The following PTPRT variants were observed in gnomAD, a reference collection of about 807,000 sequenced individuals.
PTPRT encodes the protein receptor-type tyrosine-protein phosphatase T.
A neutral mutation model predicts 176.8 loss-of-function variants in PTPRT; 56 were observed. The ratio of observed to expected loss-of-function variants is 0.32; its 90% CI spans 0.26 to 0.40. The LOEUF is 0.40. Ranked by LOEUF, PTPRT falls within the 10% of genes least tolerant of loss-of-function variation. The pLI is 1.00. For missense variants in PTPRT, 1,540 were observed against 1,908.2 expected, an observed-to-expected ratio of 0.81 and a Z score of 3.60; for synonymous variants, 783 against 739.0, an observed-to-expected ratio of 1.06 and a Z score of -0.96.
At chr20:42,844,453 C>G (rs922951294) in intron 2 of PTPRT, among the ~76,000 whole-genome samples, 1 of 152,110 alleles carries the variant, frequency 6.6e-6, no homozygotes, top group African/African-American at 2.4e-5. Context: ...AGTCATAGTC[C>G]TTGCTCAGGT....
Position 42,695,034 on chromosome 20 carries a change from C to T in PTPRT, c.860-16875G>A, listed in dbSNP as rs575879891. 1.0e-3 allele frequency among the ~76,000 whole-genome samples: 157 copies of T among 152,200 alleles called. 1 individual carries two copies. The highest frequency in any genetic ancestry group is 3.6e-3 in the African/African-American group (150 of 41,528). Reference sequence around the variant, plus strand: ...ATCCCAGCCCTTTGGGAGGCCGAGGCGGGAGGGTGAAATATCTCATCATAT... The same window carrying T: ...ATCCCAGCCCTTTGGGAGGCCGAGGTGGGAGGGTGAAATATCTCATCATAT... On this transcript the variant is annotated intron_variant, in intron 6 of 30. Coordinates refer to ENST00000373187, the MANE Select transcript of PTPRT (RefSeq NM_007050.6).
intron 7 of PTPRT, among the ~76,000 whole-genome samples, chr20:42,644,974 T>A (rs1227960757): frequency 1.3e-5 from 2 of 152,176 alleles, no homozygotes; most frequent in East Asian, 3.9e-4. Context: ...CCTTGCTACA[T>A]CAATCAGAAG....
chr20:43,110,963 G>C (rs73103997), intron 1 of PTPRT, among the ~76,000 whole-genome samples: 100 of 152,258 alleles, frequency 6.6e-4, no homozygotes, highest in South Asian at 5.4e-3. Flanking sequence ...CAATGTGGGT[G>C]GGGGGAGAGA....
At chr20:42,039,761 A>G in the PTPRT span, among the ~76,000 whole-genome samples, 2 of 147,016 alleles carry the variant, frequency 1.4e-5, no homozygotes, top group South Asian at 2.1e-4. Flanking sequence ...GTATATATAT[A>G]TACCCATATA....
At chr20:42,758,987 T>C (rs1321205990) in intron 5 of PTPRT, among the ~76,000 whole-genome samples, 1 of 152,174 alleles carries the variant, frequency 6.6e-6, no homozygotes, top group East Asian at 1.9e-4. Flanking sequence ...AGACACCACA[T>C]GCAATGCCCC....
chr20:43,020,429 G>C (rs1441807284), intron 1 of PTPRT, among the ~76,000 whole-genome samples: 1 of 152,004 alleles, frequency 6.6e-6, no homozygotes, highest in Non-Finnish European at 1.5e-5. Flanking sequence ...ATGCATCAGG[G>C]AAAGGGAGGG....
chr20:42,908,920 G>A (rs186540743), intron 1 of PTPRT, among the ~76,000 whole-genome samples: 36 of 152,294 alleles, frequency 2.4e-4, no homozygotes, highest in African/African-American at 8.4e-4. Flanking sequence ...ACTTTGAGAG[G>A]CCAAGGCAGG....
intron 1 of PTPRT, among the ~76,000 whole-genome samples, chr20:42,994,952 T>G (rs909646323): frequency 6.6e-6 from 1 of 152,216 alleles, no homozygotes; most frequent in Admixed American, 6.5e-5. Context: ...GAATAAACTG[T>G]TATTGTATAA....
intron 13 of PTPRT, among the ~76,000 whole-genome samples, chr20:42,262,957 T>C (rs560702893): frequency 8.5e-5 from 13 of 152,184 alleles, no homozygotes; most frequent in Non-Finnish European, 1.9e-4. Context: ...GATCAAACTG[T>C]CTGAACTTGA....
intron 2 of PTPRT, among the ~76,000 whole-genome samples, chr20:42,870,993 C>G (rs1232415699): frequency 1.3e-5 from 2 of 151,220 alleles, no homozygotes; most frequent in Non-Finnish European, 2.9e-5. Context: ...CTCTGTTACC[C>G]AGGCTAGAGT....
intron 1 of PTPRT, among the ~76,000 whole-genome samples, chr20:43,137,055 C>T (rs2013854504): frequency 6.6e-6 from 1 of 152,180 alleles, no homozygotes; most frequent in African/African-American, 2.4e-5. Flanking sequence ...TCCTTCCATT[C>T]CCGTCTCCTG....
chr20:42,316,188 A>G (rs1260293217), intron 11 of PTPRT, among the ~76,000 whole-genome samples, 192 bp from the exon 12 acceptor site: 1 of 152,190 alleles, frequency 6.6e-6, no homozygotes, highest in Non-Finnish European at 1.5e-5. Context: ...GCTGTCTCAG[A>G]GCCAGCTCAC....
chr20:42,205,746 A>G (rs1344964187), intron 15 of PTPRT, among the ~76,000 whole-genome samples: 2 of 152,024 alleles, frequency 1.3e-5, no homozygotes, highest in African/African-American at 2.4e-5. Context: ...CTCCATTGCA[A>G]TCTCCAGATA....
intron 1 of PTPRT, among the ~76,000 whole-genome samples, chr20:42,924,487 A>T (rs964436597): frequency 6.6e-6 from 1 of 152,194 alleles, no homozygotes; most frequent in Admixed American, 6.5e-5. Flanking sequence ...TACTCCTATA[A>T]GGAGCAAAAT....
rs61074452 is a variant in PTPRT, at chr20:42,488,755, A to G, written c.1154-16193T>C. 7.0e-3 allele frequency among the ~76,000 whole-genome samples: 1,069 copies of G among 152,234 alleles called. 12 individuals are homozygous for G. The highest frequency in any genetic ancestry group is 0.024 in the African/African-American group (1,006 of 41,550). ...CGAGGCGGGTGGATCACCTCAGGTC[A>G]GGAATTCGAGACCAGCCTGACCAAC... On this transcript the variant is annotated intron_variant, in intron 7 of 30. Transcript: ENST00000373187.
At chr20:42,635,054 T>C (rs768325551) in intron 7 of PTPRT, among the ~76,000 whole-genome samples, 12 of 152,132 alleles carry the variant, frequency 7.9e-5, no homozygotes, top group Non-Finnish European at 1.6e-4. Context: ...TTACCTTTAA[T>C]CTTGCTTGTG....
the PTPRT span, among the ~76,000 whole-genome samples, chr20:42,064,556 T>C: frequency 1.3e-5 from 2 of 152,330 alleles, no homozygotes; most frequent in South Asian, 2.1e-4. Context: ...GATACTATAC[T>C]AATGAATGAA....
intron 8 of PTPRT, among the ~76,000 whole-genome samples, chr20:42,451,456 G>A (rs866363625): frequency 7.2e-5 from 11 of 152,088 alleles, no homozygotes; most frequent in Non-Finnish European, 1.5e-4. Context: ...TGGGGCCAAT[G>A]TTTGGAAATG....
chr20:42,468,754 G>T (rs181648297), intron 8 of PTPRT, among the ~76,000 whole-genome samples: 19 of 152,248 alleles, frequency 1.2e-4, no homozygotes, highest in African/African-American at 4.6e-4. Context: ...CTTTAAAAAG[G>T]TGCCCTGAGC....
Sources: gnomAD v4.1 joint callset for allele counts (sites outside exome capture counted in the v4.1 genomes callset) on GRCh38, gnomAD v4.1.1 for gene constraint, MANE v1.5 for transcripts, NCBI Gene and HGNC (gene_info 2026-07-23, HGNC 2026-07-21) for gene names.